The following IQCJ variants were observed in gnomAD, a reference collection of about 807,000 sequenced individuals.
IQCJ encodes IQ domain-containing protein J.
A neutral mutation model predicts 11.0 loss-of-function variants in IQCJ; 9 were observed. That is an observed-to-expected ratio of 0.82 (90% CI 0.49 to 1.43). IQCJ has a LOEUF of 1.43. IQCJ is among the 40% of genes most tolerant of loss of function. The pLI is 0.00. For synonymous variants in IQCJ, 55 were observed against 51.3 expected (o/e 1.07, Z -0.31); for missense variants, 146 against 133.2 (o/e 1.10, Z -0.47).
chr3:159,265,122 T>TAA, downstream of IQCJ: 1 of 1,050,110 alleles, frequency 9.5e-7, no homozygotes, highest in Non-Finnish European at 1.4e-6. Flanking sequence ...GTCACTTAGG[T>TAA]AAAATATCCA....
At chr3:159,140,966 A>G (rs1490978864) in intron 1 of IQCJ, among the ~76,000 whole-genome samples, 1 of 152,194 alleles carries the variant, frequency 6.6e-6, no homozygotes, top group Non-Finnish European at 1.5e-5. Context: ...ATAATACACT[A>G]CTTCACCTCT....
Position 159,157,798 on chromosome 3 carries a change from T to A in IQCJ, c.10-88045T>A, listed in dbSNP as rs551526666. On this transcript the variant is annotated intron_variant, in intron 1 of 3. Coordinates refer to ENST00000397832, the MANE Select transcript of IQCJ (RefSeq NM_001042706.3). ...CATTTCCTCTTATTTACACATGGGG[T>A]TGCATACTACGCCTACATTATTGTG... 4.6e-5 allele frequency among the ~76,000 whole-genome samples: 7 copies of A among 152,336 alleles called. No homozygotes were observed. The Middle Eastern group carries it at 0.01, about 222-fold the overall frequency.
At chr3:159,192,343 A>G (rs144682818) in intron 1 of IQCJ, among the ~76,000 whole-genome samples, 2 of 152,320 alleles carry the variant, frequency 1.3e-5, no homozygotes, top group African/African-American at 4.8e-5. Flanking sequence ...CATTACATAC[A>G]AAACTTGTAT....
chr3:159,109,791 G>A (rs1404754235), intron 1 of IQCJ, among the ~76,000 whole-genome samples: 1 of 152,084 alleles, frequency 6.6e-6, no homozygotes, highest in East Asian at 1.9e-4. Context: ...TTTATTTACA[G>A]GTGAACATCT....
chr3:159,088,226 G>A (rs905153102), intron 1 of IQCJ, among the ~76,000 whole-genome samples: 44 of 152,214 alleles, frequency 2.9e-4, no homozygotes, highest in African/African-American at 9.6e-4. Context: ...TAGTTGAGCG[G>A]TTTTGAGTGA....
chr3:159,079,765 G>GT (rs1559975938), intron 1 of IQCJ, among the ~76,000 whole-genome samples: 2 of 152,108 alleles, frequency 1.3e-5, no homozygotes, highest in South Asian at 2.1e-4. Flanking sequence ...ATTTGATCGG[G>GT]TAGACATTCC....
chr3:159,158,794 A>C (rs1303323532), intron 1 of IQCJ, among the ~76,000 whole-genome samples: 2 of 152,252 alleles, frequency 1.3e-5, no homozygotes, highest in Non-Finnish European at 2.9e-5. Context: ...ATTCTAAAAC[A>C]TCATTTACAT....
rs374616672 is a variant in IQCJ at position 159,158,947 on chromosome 3, C to A, written c.10-86896C>A. On this transcript the variant is annotated intron_variant, in intron 1 of 3. Coordinates refer to ENST00000397832, the MANE Select transcript of IQCJ (RefSeq NM_001042706.3). Reference sequence around the variant, plus strand: ...AAGGAAGAGGTTCATACCCACAGGTCTCTAGAAACTGGAGGCCCAGTAGGC... The same window carrying A: ...AAGGAAGAGGTTCATACCCACAGGTATCTAGAAACTGGAGGCCCAGTAGGC... 1.4e-4 allele frequency among the ~76,000 whole-genome samples: 21 copies of A among 152,290 alleles called. 1 individual carries two copies. The highest frequency in any genetic ancestry group is 1.3e-3 in the Admixed American group (20 of 15,296).
intron 1 of IQCJ, among the ~76,000 whole-genome samples, chr3:159,139,151 T>C (rs1378318699): frequency 6.6e-6 from 1 of 152,194 alleles, no homozygotes; most frequent in South Asian, 2.1e-4. Flanking sequence ...ACCATTTTTT[T>C]TTTCTTTCTT....
At position 159,262,523 on chromosome 3, in the gene IQCJ, TTTTTG is replaced by T. The variant is rs1394753773; in HGVS notation, c.156-10_156-6del. 1.2e-6 allele frequency: 2 copies of T among 1,608,242 alleles called. No homozygotes were observed. The highest frequency in any genetic ancestry group is 1.1e-5 in the South Asian group (1 of 90,874). Reference sequence around the variant, plus strand: ...CCAACAGTAATCATGTGTGTGCTGTTTTTTGTTTTGTTTTGTTTTTTCAGCATTCA... The same window carrying T: ...CCAACAGTAATCATGTGTGTGCTGTTTTTTGTTTTGTTTTTTCAGCATTCA... On this transcript the variant is annotated intron_variant, in intron 3 of 3. Coordinates refer to ENST00000397832, the MANE Select transcript of IQCJ (RefSeq NM_001042706.3).
intron 1 of IQCJ, among the ~76,000 whole-genome samples, chr3:159,115,222 A>G (rs1336730801): frequency 6.6e-6 from 1 of 152,220 alleles, no homozygotes; most frequent in Non-Finnish European, 1.5e-5. Flanking sequence ...GTGAAGGAAT[A>G]GAGACAGGCT....
At chr3:159,164,386 G>A (rs1397608074) in intron 1 of IQCJ, among the ~76,000 whole-genome samples, 1 of 152,162 alleles carries the variant, frequency 6.6e-6, no homozygotes, top group Non-Finnish European at 1.5e-5. Context: ...TTATTGCTTT[G>A]TCTTACTGTC....
At chr3:159,090,678 C>T (rs1267329309) in intron 1 of IQCJ, among the ~76,000 whole-genome samples, 14 of 151,772 alleles carry the variant, frequency 9.2e-5, no homozygotes, top group Admixed American at 9.2e-4. Context: ...GAGCTGAGTC[C>T]AGGGCTGTGG....
chr3:159,140,353 T>C (rs1185517395), intron 1 of IQCJ, among the ~76,000 whole-genome samples: 1 of 152,188 alleles, frequency 6.6e-6, no homozygotes, highest in Non-Finnish European at 1.5e-5. Flanking sequence ...GCTGCCCCAG[T>C]AACCCCTGGA....
chr3:159,106,251 T>C (rs1221011681), intron 1 of IQCJ, among the ~76,000 whole-genome samples: 1 of 152,154 alleles, frequency 6.6e-6, no homozygotes, highest in Non-Finnish European at 1.5e-5. Context: ...AGATATCTGC[T>C]AGACATTCAG....
At chr3:159,197,237 A>C (rs1178152753) in intron 1 of IQCJ, among the ~76,000 whole-genome samples, 2 of 152,210 alleles carry the variant, frequency 1.3e-5, no homozygotes, top group Non-Finnish European at 2.9e-5. Flanking sequence ...TAAGAGCTTC[A>C]TGGAGGAAGT....
At chr3:159,125,365 T>C (rs1345054930) in intron 1 of IQCJ, among the ~76,000 whole-genome samples, 1 of 152,234 alleles carries the variant, frequency 6.6e-6, no homozygotes, top group Non-Finnish European at 1.5e-5. Flanking sequence ...GATGGCTTCA[T>C]GGAATGTGGC....
intron 1 of IQCJ, among the ~76,000 whole-genome samples, chr3:159,154,218 C>A (rs1721388830): frequency 1.3e-5 from 2 of 152,094 alleles, no homozygotes; most frequent in African/African-American, 4.8e-5. Flanking sequence ...TAGATTGCTT[C>A]ATAATTTTTT....
intron 1 of IQCJ, among the ~76,000 whole-genome samples, chr3:159,218,475 ATGT>A (rs1725357225): frequency 6.6e-6 from 1 of 152,112 alleles, no homozygotes; most frequent in African/African-American, 2.4e-5. Context: ...CAGGTGAGAA[ATGT>A]AAAAATACTA....
Sources: allele counts gnomAD v4.1 joint callset (sites outside exome capture counted in the v4.1 genomes callset), GRCh38; gene constraint gnomAD v4.1.1; transcripts MANE v1.5; gene names NCBI Gene and HGNC (gene_info 2026-07-23, HGNC 2026-07-21).